The following GNA13 variants were observed in gnomAD, a reference collection of about 807,000 sequenced individuals.
GNA13 encodes the protein guanine nucleotide-binding protein subunit alpha-13.
GNA13 carries 4 observed loss-of-function variants against 33.5 expected under a neutral mutation model. That is an observed-to-expected ratio of 0.12 (90% CI 0.06 to 0.27). GNA13 has a LOEUF of 0.27. Among genes scored for constraint, GNA13 ranks in the 10% least tolerant of loss-of-function variants. The pLI, the probability that GNA13 is intolerant of heterozygous loss-of-function variation, is 1.00. For synonymous variants in GNA13, 176 were observed against 183.8 expected (o/e 0.96, Z 0.34); for missense variants, 319 against 487.2 (o/e 0.65, Z 3.25).
intron 2 of GNA13, among the ~76,000 whole-genome samples, chr17:65,048,957 G>A (rs1907765684): frequency 6.6e-6 from 1 of 151,852 alleles, no homozygotes; most frequent in African/African-American, 2.4e-5. Context: ...AAAATATGCT[G>A]CTAAACATAA....
rs770336317 is a variant in GNA13, at chr17:65,053,458, T to A, written c.510+44A>T. ...GATGTGCAACCTGTATTACTAAACA[T>A]CATTAAAATAAAACCACACGTTTTA... On this transcript the variant is annotated intron_variant, in intron 2 of 3. Transcript: ENST00000439174. 3 of 1,199,636 alleles carry A rather than the reference T, an allele frequency of 2.5e-6. No homozygotes were observed. The South Asian group carries it at 3.6e-5, about 15-fold the overall frequency. 74.3% of individuals were successfully genotyped at this position (1,199,636 alleles called of 1,614,324 possible).
intron 2 of GNA13, 89 bp downstream of exon 2, chr17:65,053,413 T>C (rs1310887780): frequency 9.9e-6 from 8 of 808,068 alleles, no homozygotes; most frequent in South Asian, 4.5e-5. Flanking sequence ...TTTGGGAACA[T>C]TTCGAATTTT....
chr17:65,017,523 A>G (rs1324706422), intron 3 of GNA13, among the ~76,000 whole-genome samples: 1 of 152,220 alleles, frequency 6.6e-6, no homozygotes, highest in African/African-American at 2.4e-5. Flanking sequence ...CCTTTCTCCC[A>G]CTGAACTCTT....
Position 65,014,954 on chromosome 17 carries a change from T to C in GNA13, c.562-125A>G, listed in dbSNP as rs536528246. On this transcript the variant is annotated intron_variant, in intron 3 of 3. Coordinates refer to ENST00000439174, the MANE Select transcript of GNA13 (RefSeq NM_006572.6). This position sits in a 1 kb window ranked among gnomAD's most constrained non-coding sequence, Gnocchi z 5.3. ...TGATCTTTTAAGTGACATTTTCAGA[T>C]AGATTATGCTTATTATAAAATGCCA... is the stretch of plus-strand genomic sequence containing the variant. The C allele has an allele frequency of 4.8e-6, 3 of 631,462 alleles. No individual in the cohort carries two copies. Among genetic ancestry groups the C allele is most frequent in the South Asian group, 4.0e-5 (2 of 50,444 alleles). The allele number at this position is 631,462 out of a possible 1,614,324, so 39.1% of individuals were successfully genotyped here.
rs117394331 is a variant in GNA13 at position 65,023,286 on chromosome 17, C to T, written c.511-4983G>A. Among the ~76,000 whole-genome samples, 123 of 152,308 alleles carry T rather than the reference C, an allele frequency of 8.1e-4. No homozygotes were observed. In the East Asian group the frequency reaches 0.021, roughly 26 times the overall value. ...CACATGAATCTATTGTGCTCATGAA[C>T]GAGTAATGTCAGTGATGAATTTAAC... On this transcript the variant is annotated intron_variant, in intron 2 of 3. Transcript: ENST00000439174.
intron 2 of GNA13, among the ~76,000 whole-genome samples, chr17:65,042,512 A>G (rs6504270): frequency 0.99 from 149,980 of 152,196 alleles, 73,938 homozygotes; most frequent in Middle Eastern, 1. Flanking sequence ...TGAGGTGGGC[A>G]GATCAATTGA....
chr17:65,027,965 A>G (rs1016395641), intron 2 of GNA13, among the ~76,000 whole-genome samples: 18 of 152,026 alleles, frequency 1.2e-4, no homozygotes, highest in Admixed American at 1.2e-3. Context: ...TAGGCTGGGC[A>G]CGGTGGCTCA....
chr17:65,056,740 T>G lies in GNA13; in HGVS notation c.-147A>C. ...CCAGGGAGGGAGGGAACCAGCGAAC[T>G]GACTCGCAGGGCGGGCCGGGCAGGG... On this transcript the variant is annotated 5_prime_UTR_variant, in exon 1 of 4. Coordinates refer to ENST00000439174, the MANE Select transcript of GNA13 (RefSeq NM_006572.6). 4.6e-6 allele frequency: 1 copy of G among 217,116 alleles called. No individual in the cohort carries two copies. Among genetic ancestry groups the G allele is most frequent in the Non-Finnish European group, 7.7e-6 (1 of 130,150 alleles). The allele number at this position is 217,116 out of a possible 1,614,324, so 13.4% of individuals were successfully genotyped here.
intron 2 of GNA13, among the ~76,000 whole-genome samples, chr17:65,044,815 G>A (rs1437195409): frequency 6.6e-6 from 1 of 151,976 alleles, no homozygotes; most frequent in Non-Finnish European, 1.5e-5. Context: ...GGCTAAGGCG[G>A]ACAGATCACT....
In GNA13 at chr17:65,009,841, A is replaced by T. The variant is rs1360012743; in HGVS notation, c.*4416T>A. Among the ~76,000 whole-genome samples the T allele has an allele frequency of 1.3e-5, 2 of 152,230 alleles. No homozygotes were observed. Among genetic ancestry groups the T allele is most frequent in the Non-Finnish European group, 2.9e-5 (2 of 68,032 alleles). On this transcript the variant is annotated 3_prime_UTR_variant, in exon 4 of 4. Coordinates refer to ENST00000439174, the MANE Select transcript of GNA13 (RefSeq NM_006572.6). Reference sequence around the variant, plus strand: ...CCTTTCTTTCCTAGTACCATCAAACAGGCATGATTAAGGACAATTTCTCAC... The same window carrying T: ...CCTTTCTTTCCTAGTACCATCAAACTGGCATGATTAAGGACAATTTCTCAC...
intron 2 of GNA13, among the ~76,000 whole-genome samples, chr17:65,038,669 C>T (rs566875730): frequency 3.9e-5 from 6 of 152,256 alleles, no homozygotes; most frequent in South Asian, 4.1e-4. Context: ...TCAAGCAATC[C>T]GCCCACCTTG....
In GNA13 at chr17:65,012,233, C is replaced by CCTCTT. The variant is rs1323582834; in HGVS notation, c.*2019_*2023dup. 4.5e-6 allele frequency: 1 copy of CCTCTT among 221,484 alleles called. No individual in the cohort carries two copies. The highest frequency in any genetic ancestry group is 9.0e-6 in the Non-Finnish European group (1 of 110,766). The allele number at this position is 221,484 out of a possible 1,614,324, so 13.7% of individuals were successfully genotyped here. ...CTATGACTTAAGTAAGATGAAGTGTCCTCTTTCTATAGGGATCTAACTTGA... is the reference window on the plus strand; with the variant it reads ...CTATGACTTAAGTAAGATGAAGTGTCCTCTTCTCTTTCTATAGGGATCTAACTTGA... On this transcript the variant is annotated 3_prime_UTR_variant, in exon 4 of 4. Transcript: ENST00000439174.
intron 1 of GNA13, 79 bp from the exon 2 acceptor site, chr17:65,053,807 T>G (rs901688483): frequency 2.3e-6 from 2 of 879,564 alleles, no homozygotes; most frequent in Non-Finnish European, 1.8e-6. Flanking sequence ...CAGTATTATT[T>G]CCTTATACTT....
chr17:65,028,999 T>C lies in GNA13; in HGVS notation c.511-10696A>G, dbSNP rs145666706. ...AAAAAAAAGGAGGCAGAGTTACTGA[T>C]ATAATACTGAGAAGTTCACCTGAAT... On this transcript the variant is annotated intron_variant, in intron 2 of 3. Transcript: ENST00000439174. Among the ~76,000 whole-genome samples the C allele has an allele frequency of 1.4e-3, 216 of 152,220 alleles. 1 individual carries two copies. The highest frequency in any genetic ancestry group is 4.9e-3 in the African/African-American group (203 of 41,542).
chr17:65,029,218 C>A (rs986553890), intron 2 of GNA13, among the ~76,000 whole-genome samples: 2 of 152,226 alleles, frequency 1.3e-5, no homozygotes, highest in Admixed American at 6.5e-5. Flanking sequence ...CTAGTCCCAA[C>A]TGACTATCTC....
At chr17:65,043,701 G>A (rs1252776159) in intron 2 of GNA13, among the ~76,000 whole-genome samples, 4 of 152,088 alleles carry the variant, frequency 2.6e-5, no homozygotes, top group Non-Finnish European at 5.9e-5. Context: ...ATATCTGTAG[G>A]CCAGGACTGA....
chr17:65,009,832 C>T lies in GNA13; in HGVS notation c.*4425G>A, dbSNP rs753998852. On this transcript the variant is annotated 3_prime_UTR_variant, in exon 4 of 4. Transcript: ENST00000439174. ...ATCTCTACCCCTTTCTTTCCTAGTA[C>T]CATCAAACAGGCATGATTAAGGACA... Among the ~76,000 whole-genome samples the T allele has an allele frequency of 2.0e-5, 3 of 152,124 alleles. No homozygotes were observed. The highest frequency in any genetic ancestry group is 4.4e-5 in the Non-Finnish European group (3 of 68,018).
In GNA13 at chr17:65,056,525, G is replaced by A. The variant is rs1327153542; in HGVS notation, c.69C>T (p.Gly23=). Residue 23 remains glycine, a synonymous_variant, in exon 1 of 4, where the codon GGC becomes GGT. Transcript: ENST00000439174. ...TGGACTTGCGTTGCTGCTCGGCCTC[G>A]CCACTCGTCAGCAGGCAGCCGGGGA... ...VCFPGCLLTS[G]EAEQQRKSKE... is the part of the protein sequence containing the mutation. 1.2e-6 allele frequency: 2 copies of A among 1,613,016 alleles called. No individual in the cohort carries two copies. The highest frequency in any genetic ancestry group is 1.3e-5 in the African/African-American group (1 of 74,932).
chr17:65,031,921 A>AGAGAGAGTGTGTGTGTGTGT (rs770161529), intron 2 of GNA13, among the ~76,000 whole-genome samples: 7 of 91,710 alleles, frequency 7.6e-5, no homozygotes, highest in Non-Finnish European at 1.6e-4. Flanking sequence ...AGAGAGAGAG[A>AGAGAGAGTGTGTGTGTGTGT]GTGTGTGTGT....
Sources: allele counts gnomAD v4.1 joint callset (sites outside exome capture counted in the v4.1 genomes callset), GRCh38; gene constraint gnomAD v4.1.1; non-coding constraint Gnocchi (gnomAD v3.1); transcripts MANE v1.5; gene names NCBI Gene and HGNC (gene_info 2026-07-23, HGNC 2026-07-21).